STAB2: variants seen among roughly 807,000 people sequenced by gnomAD.
The protein encoded by STAB2 is stabilin-2.
A neutral mutation model predicts 338.1 loss-of-function variants in STAB2; 288 were observed. The ratio of observed to expected loss-of-function variants is 0.85; its 90% CI spans 0.77 to 0.94. The LOEUF is 0.94. STAB2 is among the 40% of genes least tolerant of loss of function. The pLI, the probability that STAB2 is intolerant of heterozygous loss-of-function variation, is 0.00. For synonymous variants in STAB2, 1,202 were observed against 1,193.3 expected, an observed-to-expected ratio of 1.01 and a Z score of -0.15; for missense variants, 3,141 against 3,210.1, an observed-to-expected ratio of 0.98 and a Z score of 0.52.
At chr12:103,619,993 A>G (rs913296234) in intron 3 of STAB2, among the ~76,000 whole-genome samples, 1 of 151,596 alleles carries the variant, frequency 6.6e-6, no homozygotes, top group Non-Finnish European at 1.5e-5. Flanking sequence ...CAGCATCAAT[A>G]CCTCCCTTCT....
chr12:103,659,960 G>C (rs149904111), intron 15 of STAB2, among the ~76,000 whole-genome samples: 2,057 of 152,358 alleles, frequency 0.014, 25 homozygotes, highest in Middle Eastern at 0.024. Context: ...TCTGAGAAGT[G>C]ATGGAGCAGA....
At chr12:103,709,975 G>T (rs1879705299) in intron 39 of STAB2, among the ~76,000 whole-genome samples, 1 of 152,046 alleles carries the variant, frequency 6.6e-6, no homozygotes, top group Non-Finnish European at 1.5e-5. Flanking sequence ...ATACCTCCTT[G>T]TCCCTCACTA....
chr12:103,761,518 A>T, intron 66 of STAB2, 108 bp downstream of exon 66: 5 of 985,582 alleles, frequency 5.1e-6, no homozygotes, highest in South Asian at 1.5e-5. Flanking sequence ...TCCTCCAGAG[A>T]CTGGAGGAGC....
intron 3 of STAB2, among the ~76,000 whole-genome samples, chr12:103,607,459 C>CAT (rs1957048361): frequency 6.9e-6 from 1 of 143,908 alleles, no homozygotes; most frequent in East Asian, 2.3e-4. Flanking sequence ...CATATGTATA[C>CAT]GTGTGCCATG....
Position 103,662,831 on chromosome 12 carries a change from A to G in STAB2, c.1870-15A>G. On this transcript the variant is annotated splice_polypyrimidine_tract_variant and intron_variant, in intron 17 of 68. Coordinates refer to ENST00000388887, the MANE Select transcript of STAB2 (RefSeq NM_017564.10). ...AGAATAGTACAGAATTAGAGATGTC[A>G]TTTTTTCTTTCCAGGGACAGATTCT... The G allele has an allele frequency of 6.2e-7, 1 of 1,613,656 alleles. No individual in the cohort carries two copies. Among genetic ancestry groups the G allele is most frequent in the Non-Finnish European group, 8.5e-7 (1 of 1,179,868 alleles).
At chr12:103,739,705 G>A (rs370497873) in intron 54 of STAB2, among the ~76,000 whole-genome samples, 17 of 152,206 alleles carry the variant, frequency 1.1e-4, no homozygotes, top group African/African-American at 4.1e-4. Flanking sequence ...AAAAGTCATG[G>A]GATGGTAGAC....
intron 25 of STAB2, 66 bp from the exon 26 acceptor site, chr12:103,683,139 G>A: frequency 1.4e-6 from 2 of 1,426,342 alleles, no homozygotes; most frequent in African/African-American, 2.8e-5. Context: ...TCAGTGCTGT[G>A]TGAGGGAAAG....
chr12:103,748,016 GGAA>G (rs1205034478), intron 58 of STAB2, among the ~76,000 whole-genome samples: 18 of 148,376 alleles, frequency 1.2e-4, no homozygotes, highest in Middle Eastern at 3.5e-3. Flanking sequence ...AAAAAAAAAG[GGAA>G]GAAGAAGAAG....
intron 54 of STAB2, among the ~76,000 whole-genome samples, chr12:103,739,785 A>T (rs1289340539): frequency 1.3e-5 from 2 of 152,200 alleles, no homozygotes; most frequent in African/African-American, 4.8e-5. Context: ...TCCATGTCCC[A>T]GGCTCTGTGC....
chr12:103,740,587 C>T, intron 54 of STAB2, 43 bp from the exon 55 acceptor site: 1 of 1,597,918 alleles, frequency 6.3e-7, no homozygotes, highest in East Asian at 2.3e-5. Context: ...AGCCCTAGTC[C>T]CTGCAGTGGT....
chr12:103,737,604 C>CTG, intron 52 of STAB2, 30 bp from the exon 53 acceptor site: 4 of 1,054,088 alleles, frequency 3.8e-6, no homozygotes, highest in Non-Finnish European at 3.8e-6. Context: ...CTCTCTCTTT[C>CTG]TCTTTTTTTT....
rs141439088 is a variant in STAB2, at chr12:103,661,522, T to C, written c.1869+759T>C. Among the ~76,000 whole-genome samples, 522 of 152,292 alleles carry C rather than the reference T, an allele frequency of 3.4e-3. 4 individuals are homozygous for C. The highest frequency in any genetic ancestry group is 0.012 in the African/African-American group (500 of 41,562). Reference sequence around the variant, plus strand: ...TGGTTGTATGGAAATTTCATTCTAGTAAATAGGGGATAGAAAATAAGTTAA... The same window carrying C: ...TGGTTGTATGGAAATTTCATTCTAGCAAATAGGGGATAGAAAATAAGTTAA... On this transcript the variant is annotated intron_variant, in intron 17 of 68. Transcript: ENST00000388887.
intron 54 of STAB2, among the ~76,000 whole-genome samples, chr12:103,739,863 C>T (rs1000417446): frequency 6.6e-6 from 1 of 152,178 alleles, no homozygotes; most frequent in Non-Finnish European, 1.5e-5. Context: ...ATTACCTACA[C>T]TTTACTTATG....
chr12:103,712,739 A>G (rs1879980102), intron 41 of STAB2, among the ~76,000 whole-genome samples: 2 of 152,180 alleles, frequency 1.3e-5, no homozygotes, highest in Non-Finnish European at 1.5e-5. Context: ...ATACATTATG[A>G]CAGCATTACT....
At chr12:103,748,314 T>C (rs1198599800) in intron 58 of STAB2, among the ~76,000 whole-genome samples, 4 of 152,180 alleles carry the variant, frequency 2.6e-5, no homozygotes, top group Middle Eastern at 3.2e-3. Flanking sequence ...TAAATGCAGA[T>C]GGCTTTTCAG....
At chr12:103,687,225 A>T (rs1877511456) in intron 27 of STAB2, among the ~76,000 whole-genome samples, 2 of 152,156 alleles carry the variant, frequency 1.3e-5, no homozygotes, top group South Asian at 2.1e-4. Flanking sequence ...CAGATAAAGC[A>T]CTTGAGTTCT....
chr12:103,697,585 A>T (rs1464924907), intron 33 of STAB2, among the ~76,000 whole-genome samples: 1 of 152,250 alleles, frequency 6.6e-6, no homozygotes, highest in Non-Finnish European at 1.5e-5. Context: ...AATTGGATTT[A>T]AAACTAGTTC....
At chr12:103,672,481 C>G (rs1875902796) in intron 22 of STAB2, among the ~76,000 whole-genome samples, 1 of 152,170 alleles carries the variant, frequency 6.6e-6, no homozygotes, top group African/African-American at 2.4e-5. Context: ...AAATTAAATG[C>G]TGACTTCCCT....
intron 22 of STAB2, among the ~76,000 whole-genome samples, chr12:103,673,624 C>T (rs1168275746): frequency 6.6e-6 from 1 of 152,230 alleles, no homozygotes; most frequent in Non-Finnish European, 1.5e-5. Flanking sequence ...GCTGGGATTA[C>T]AGGCATGAGC....
Sources: gnomAD v4.1 joint callset for allele counts (sites outside exome capture counted in the v4.1 genomes callset) on GRCh38, gnomAD v4.1.1 for gene constraint, MANE v1.5 for transcripts, NCBI Gene and HGNC (gene_info 2026-07-23, HGNC 2026-07-21) for gene names.